Variants in ASIC2 observed in about 807,000 individuals in gnomAD.
ASIC2 encodes the protein acid-sensing ion channel 2.
ASIC2 carries 25 observed loss-of-function variants against 57.3 expected under a neutral mutation model. The ratio of observed to expected loss-of-function variants is 0.44; its 90% CI spans 0.32 to 0.61. The LOEUF is 0.61. Among genes scored for constraint, ASIC2 ranks in the 20% least tolerant of loss-of-function variants. ASIC2 has a pLI of 0.06. For synonymous variants in ASIC2, 319 were observed against 307.5 expected, an observed-to-expected ratio of 1.04 and a Z score of -0.39; for missense variants, 641 against 738.1, an observed-to-expected ratio of 0.87 and a Z score of 1.52.
chr17:34,034,004 C>T (rs1402873140), intron 1 of ASIC2, among the ~76,000 whole-genome samples: 1 of 152,204 alleles, frequency 6.6e-6, no homozygotes, highest in African/African-American at 2.4e-5. Flanking sequence ...CTCCCTAACT[C>T]ATTTTATGAG....
chr17:33,268,381 CCA>C (rs1909558874), intron 1 of ASIC2, among the ~76,000 whole-genome samples: 3 of 151,668 alleles, frequency 2.0e-5, no homozygotes, highest in Non-Finnish European at 4.4e-5. Flanking sequence ...ATCCATCCAT[CCA>C]TCCATCCATC....
At chr17:33,677,231 C>G (rs546094347) in intron 1 of ASIC2, among the ~76,000 whole-genome samples, 2 of 152,282 alleles carry the variant, frequency 1.3e-5, no homozygotes, top group East Asian at 3.9e-4. Flanking sequence ...CTAGGACTTT[C>G]ATAGCTAGAG....
intron 1 of ASIC2, chr17:34,070,365 A>C (rs1909352095): frequency 1.3e-5 from 2 of 152,072 alleles, no homozygotes; most frequent in Non-Finnish European, 2.9e-5. Flanking sequence ...GAGACCTTCA[A>C]AACTTCTATC....
chr17:34,030,045 G>A (rs1218604972), intron 1 of ASIC2, among the ~76,000 whole-genome samples: 4 of 152,120 alleles, frequency 2.6e-5, no homozygotes, highest in Non-Finnish European at 4.4e-5. Flanking sequence ...CACACAATTG[G>A]CTCTTCCCTT....
At chr17:33,660,079 T>G (rs1262298257) in intron 1 of ASIC2, among the ~76,000 whole-genome samples, 2 of 151,602 alleles carry the variant, frequency 1.3e-5, no homozygotes, top group African/African-American at 4.8e-5. Context: ...TGAGACTCTG[T>G]CGCAAAAAAC....
chr17:33,966,182 A>T (rs945380203), intron 1 of ASIC2, among the ~76,000 whole-genome samples: 20 of 152,224 alleles, frequency 1.3e-4, no homozygotes, highest in African/African-American at 4.8e-4. Flanking sequence ...TATTGTTAGC[A>T]GGTATACAGG....
chr17:33,052,344 A>C (rs1379334608), intron 3 of ASIC2: 1 of 152,242 alleles, frequency 6.6e-6, no homozygotes, highest in Non-Finnish European at 1.5e-5. Context: ...TTGGGTAGCT[A>C]AACAGCTTTG....
At chr17:33,905,552 T>C (rs1286305599) in intron 1 of ASIC2, among the ~76,000 whole-genome samples, 2 of 152,212 alleles carry the variant, frequency 1.3e-5, no homozygotes, top group Admixed American at 1.3e-4. Flanking sequence ...AAGAGTGATG[T>C]GCGAGGACAG....
chr17:34,033,141 G>T (rs561028777), intron 1 of ASIC2, among the ~76,000 whole-genome samples: 1 of 152,102 alleles, frequency 6.6e-6, no homozygotes, highest in African/African-American at 2.4e-5. Flanking sequence ...AAATGTAAAA[G>T]AACAGAAATT....
chr17:33,960,543 G>T (rs1904886780), intron 1 of ASIC2, among the ~76,000 whole-genome samples: 2 of 152,110 alleles, frequency 1.3e-5, no homozygotes, highest in Non-Finnish European at 2.9e-5. Flanking sequence ...TTGCTGTCAG[G>T]ATATAACCTC....
At chr17:33,032,125 T>G (rs553956191) in intron 3 of ASIC2, among the ~76,000 whole-genome samples, 1 of 152,360 alleles carries the variant, frequency 6.6e-6, no homozygotes, top group East Asian at 1.9e-4. Flanking sequence ...TTTGATATAG[T>G]TCGGTTGAAG....
chr17:33,086,495 G>A (rs959549565), intron 3 of ASIC2, among the ~76,000 whole-genome samples: 1 of 152,152 alleles, frequency 6.6e-6, no homozygotes, highest in Non-Finnish European at 1.5e-5. Context: ...ACCTGTTCCT[G>A]GTTCTTTGAA....
intron 1 of ASIC2, among the ~76,000 whole-genome samples, chr17:33,213,193 T>C (rs1907344434): frequency 6.6e-6 from 1 of 152,152 alleles, no homozygotes; most frequent in Non-Finnish European, 1.5e-5. Context: ...GAAGCTCCAA[T>C]GCACATTAAT....
At chr17:33,821,846 C>T (rs74611684) in intron 1 of ASIC2, among the ~76,000 whole-genome samples, 6,188 of 152,218 alleles carry the variant, frequency 0.041, 168 homozygotes, top group Middle Eastern at 0.1. Flanking sequence ...CTAATCCAAT[C>T]GCTGTGTTTC....
chr17:34,063,104 G>A (rs1249955531), intron 1 of ASIC2, among the ~76,000 whole-genome samples: 1 of 152,126 alleles, frequency 6.6e-6, no homozygotes, highest in Non-Finnish European at 1.5e-5. Context: ...GATGAACATA[G>A]ATGCTGAAAT....
At chr17:33,328,383 G>A (rs924593297) in intron 1 of ASIC2, among the ~76,000 whole-genome samples, 1 of 152,140 alleles carries the variant, frequency 6.6e-6, no homozygotes. Context: ...TGAGAATCAC[G>A]AGCCGGATCA....
At chr17:33,856,520 T>C (rs1278082345) in intron 1 of ASIC2, among the ~76,000 whole-genome samples, 1 of 151,734 alleles carries the variant, frequency 6.6e-6, no homozygotes, top group Non-Finnish European at 1.5e-5. Flanking sequence ...GTGGTGGTGG[T>C]GGTAGTAGTA....
intron 1 of ASIC2, among the ~76,000 whole-genome samples, chr17:34,095,556 GAGATTGGT>G (rs1222996371): frequency 2.7e-5 from 4 of 147,628 alleles, no homozygotes; most frequent in Admixed American, 6.8e-5. Flanking sequence ...ATGAAAAAAT[GAGATTGGT>G]AGGAACCAGC....
At chr17:33,748,960 C>A (rs371074202) in intron 1 of ASIC2, among the ~76,000 whole-genome samples, 1 of 152,328 alleles carries the variant, frequency 6.6e-6, no homozygotes, top group South Asian at 2.1e-4. Context: ...ACACAGGACA[C>A]GTGTCTGCAG....
Sources: allele counts gnomAD v4.1 joint callset (sites outside exome capture counted in the v4.1 genomes callset), GRCh38; gene constraint gnomAD v4.1.1; transcripts MANE v1.5; gene names NCBI Gene and HGNC (gene_info 2026-07-23, HGNC 2026-07-21).